Variants in TMEM178B observed in about 807,000 individuals in gnomAD.
TMEM178B encodes the protein transmembrane protein 178B.
In TMEM178B, 5 loss-of-function variants were observed where a neutral mutation model predicts 31.0. The observed-to-expected ratio is 0.16, with a 90% CI of 0.08 to 0.34. TMEM178B has a LOEUF of 0.34. Among genes scored for constraint, TMEM178B ranks in the 10% least tolerant of loss-of-function variants. The probability of loss-of-function intolerance (pLI) is 1.00; values close to 1 mark genes in which losing one functional copy is unlikely to be tolerated. For missense variants in TMEM178B, 275 were observed against 400.3 expected, an observed-to-expected ratio of 0.69 and a Z score of 2.67; for synonymous variants, 164 against 164.0, an observed-to-expected ratio of 1.00 and a Z score of 0.00.
chr7:141,082,432 T>TA (rs1794701424), intron 1 of TMEM178B, among the ~76,000 whole-genome samples: 1 of 152,234 alleles, frequency 6.6e-6, no homozygotes, highest in Non-Finnish European at 1.5e-5. Flanking sequence ...TTAAAAAACT[T>TA]AAGACATACT....
chr7:141,340,911 T>G (rs1799505681), intron 2 of TMEM178B, among the ~76,000 whole-genome samples: 1 of 152,166 alleles, frequency 6.6e-6, no homozygotes, highest in African/African-American at 2.4e-5. Context: ...ATGTATGAAT[T>G]ATGTATCTGT....
intron 1 of TMEM178B, among the ~76,000 whole-genome samples, chr7:141,167,224 C>T (rs1052703120): frequency 1.3e-5 from 2 of 152,142 alleles, no homozygotes; most frequent in Non-Finnish European, 2.9e-5. Flanking sequence ...TCTAGAGTTG[C>T]CCGTGAGTAC....
intron 2 of TMEM178B, among the ~76,000 whole-genome samples, chr7:141,399,983 A>G (rs1049578893): frequency 5.3e-5 from 8 of 152,328 alleles, no homozygotes; most frequent in Middle Eastern, 3.4e-3. Context: ...GAACTTTACA[A>G]ACAATCAGTC....
intron 2 of TMEM178B, among the ~76,000 whole-genome samples, chr7:141,349,217 T>C (rs1381216818): frequency 6.6e-6 from 1 of 152,224 alleles, no homozygotes; most frequent in African/African-American, 2.4e-5. Context: ...TATATTTATA[T>C]AGTATTTATT....
At chr7:141,230,446 G>A (rs143354331) in intron 2 of TMEM178B, among the ~76,000 whole-genome samples, 331 of 152,264 alleles carry the variant, frequency 2.2e-3, no homozygotes, top group African/African-American at 7.7e-3. Context: ...ATGGTTATCA[G>A]CCACTTGTAC....
intron 3 of TMEM178B, among the ~76,000 whole-genome samples, chr7:141,439,375 C>CA (rs1364603552): frequency 6.6e-6 from 1 of 152,138 alleles, no homozygotes; most frequent in African/African-American, 2.4e-5. Flanking sequence ...CGTGATGGCT[C>CA]TGTCTAGTAG....
At chr7:141,178,975 C>T (rs1388670432) in intron 1 of TMEM178B, among the ~76,000 whole-genome samples, 1 of 152,182 alleles carries the variant, frequency 6.6e-6, no homozygotes, top group East Asian at 1.9e-4. Flanking sequence ...TTGTTCCGAA[C>T]CTCTTTTCAC....
intron 2 of TMEM178B, among the ~76,000 whole-genome samples, chr7:141,265,577 A>G (rs1798083202): frequency 6.6e-6 from 1 of 152,192 alleles, no homozygotes; most frequent in African/African-American, 2.4e-5. Context: ...TCCAGCATCT[A>G]GCATAGTACG....
chr7:141,496,989 A>G, the TMEM178B span, among the ~76,000 whole-genome samples: 1 of 152,074 alleles, frequency 6.6e-6, no homozygotes, highest in Non-Finnish European at 1.5e-5. Context: ...GCTGAAAACA[A>G]GTTCAAAAAT....
At chr7:141,268,888 A>G (rs142269331) in intron 2 of TMEM178B, among the ~76,000 whole-genome samples, 1 of 152,304 alleles carries the variant, frequency 6.6e-6, no homozygotes, top group East Asian at 1.9e-4. Context: ...CCTGCCTATC[A>G]TGAGAGTGTT....
chr7:141,239,704 G>A (rs1425461945), intron 2 of TMEM178B, among the ~76,000 whole-genome samples: 1 of 152,154 alleles, frequency 6.6e-6, no homozygotes, highest in East Asian at 1.9e-4. Context: ...TCCCATCCTG[G>A]GCTCATCCAT....
chr7:141,118,567 G>T (rs1313253006), intron 1 of TMEM178B, among the ~76,000 whole-genome samples: 3 of 152,220 alleles, frequency 2.0e-5, no homozygotes, highest in Admixed American at 2.0e-4. Flanking sequence ...TTAAATCACG[G>T]ATCTGTGACC....
At chr7:141,119,200 G>A (rs1416628844) in intron 1 of TMEM178B, among the ~76,000 whole-genome samples, 1 of 152,214 alleles carries the variant, frequency 6.6e-6, no homozygotes, top group Non-Finnish European at 1.5e-5. Flanking sequence ...AGGTTACTCA[G>A]CCTGACCCAT....
At chr7:141,358,744 T>C (rs936050014) in intron 2 of TMEM178B, among the ~76,000 whole-genome samples, 1 of 152,182 alleles carries the variant, frequency 6.6e-6, no homozygotes. Context: ...TTGAGCCATC[T>C]GGCTTTCCCT....
At chr7:141,163,361 T>C (rs2129181900) in intron 1 of TMEM178B, among the ~76,000 whole-genome samples, 1 of 152,332 alleles carries the variant, frequency 6.6e-6, no homozygotes, top group South Asian at 2.1e-4. Flanking sequence ...AAACAAGTTA[T>C]GTGGCTGAGC....
chr7:141,391,167 AC>A (rs1800530871), intron 2 of TMEM178B, among the ~76,000 whole-genome samples: 1 of 147,856 alleles, frequency 6.8e-6, no homozygotes, highest in South Asian at 2.1e-4. Context: ...TGTTCTTTCA[AC>A]CCCCTGCTTT....
At chr7:141,438,696 TAAAAAAAA>T (rs869132131) in intron 3 of TMEM178B, among the ~76,000 whole-genome samples, 16 of 29,002 alleles carry the variant, frequency 5.5e-4, no homozygotes, top group South Asian at 4.1e-3. Context: ...CCGTCTCTAC[TAAAAAAAA>T]AAAAAAAAAA....
At chr7:141,179,624 C>A (rs747826539) in intron 1 of TMEM178B, among the ~76,000 whole-genome samples, 1 of 152,090 alleles carries the variant, frequency 6.6e-6, no homozygotes, top group Non-Finnish European at 1.5e-5. Flanking sequence ...TTAAACTGAC[C>A]TTTACAAGAG....
intron 1 of TMEM178B, among the ~76,000 whole-genome samples, chr7:141,126,908 T>G (rs1404584168): frequency 2.7e-5 from 4 of 150,194 alleles, no homozygotes; most frequent in African/African-American, 9.8e-5. Flanking sequence ...TGTTGAGGAG[T>G]GGGCAGCTGA....
Sources: gnomAD v4.1 joint callset for allele counts (sites outside exome capture counted in the v4.1 genomes callset) on GRCh38, gnomAD v4.1.1 for gene constraint, MANE v1.5 for transcripts, NCBI Gene and HGNC (gene_info 2026-07-23, HGNC 2026-07-21) for gene names.